The following RGP1 variants were observed in gnomAD, a reference collection of about 807,000 sequenced individuals.
The protein encoded by RGP1 is RAB6A-GEF complex partner protein 2.
In RGP1, 28 loss-of-function variants were observed where a neutral mutation model predicts 44.5. The ratio of observed to expected loss-of-function variants is 0.63; its 90% CI spans 0.47 to 0.86. The LOEUF (loss-of-function observed/expected upper bound fraction) is 0.86. Among genes scored for constraint, RGP1 ranks in the 40% least tolerant of loss-of-function variants. RGP1 has a pLI of 0.00. For missense variants in RGP1, 417 were observed against 490.7 expected (o/e 0.85, Z 1.42); for synonymous variants, 212 against 196.7 (o/e 1.08, Z -0.65).
intron 3 of RGP1, 30 bp downstream of exon 3, chr9:35,750,409 G>A (rs371304594): frequency 7.1e-5 from 114 of 1,612,382 alleles, no homozygotes; most frequent in Non-Finnish European, 8.9e-5. Flanking sequence ...CTGGGAGAGG[G>A]GGGGTGCGGA....
rs1827382053 is a variant in RGP1, at chr9:35,757,914, AAAT to A, written c.*5043_*5045del. 1 of 152,244 alleles carries A rather than the reference AAAT, an allele frequency of 6.6e-6. No individual in the cohort carries two copies. Among genetic ancestry groups the A allele is most frequent in the South Asian group, 2.1e-4 (1 of 4,834 alleles). The allele number at this position is 152,244 out of a possible 1,614,324, so 9.4% of individuals were successfully genotyped here. A position where few individuals can be genotyped will look rare whatever the true frequency, so the allele number is the denominator to read the frequency against. On this transcript the variant is annotated 3_prime_UTR_variant, in exon 9 of 9. Coordinates refer to ENST00000378078, the MANE Select transcript of RGP1 (RefSeq NM_001080496.3). ...TTAAGTAATTTTGGTGGATTTTTAA[AAAT>A]AAAAAAATAAAAATAGAAAAGTTGC...
At chr9:35,765,565 T>C in the RGP1 span, among the ~76,000 whole-genome samples, 1 of 150,564 alleles carries the variant, frequency 6.6e-6, no homozygotes, top group Non-Finnish European at 1.5e-5. Context: ...GCTGAGGTGG[T>C]AGGATCATCT....
chr9:35,752,205 G>T, intron 8 of RGP1, 60 bp downstream of exon 8: 1 of 1,453,308 alleles, frequency 6.9e-7, no homozygotes. Flanking sequence ...TGTGCTAAGG[G>T]AGGGTGTAAT....
rs111386156 is a variant in RGP1, at chr9:35,757,815, C to A, written c.*4941C>A. On this transcript the variant is annotated 3_prime_UTR_variant, in exon 9 of 9. Transcript: ENST00000378078. ...TCTTGGATTACTGTCTGCCATTCAG[C>A]CTTTGCCAAAAAATTTGGCACTGAT... The A allele has an allele frequency of 1.3e-5, 2 of 152,078 alleles. No individual in the cohort carries two copies. Among genetic ancestry groups the A allele is most frequent in the African/African-American group, 4.8e-5 (2 of 41,406 alleles). The allele number at this position is 152,078 out of a possible 1,614,324, so 9.4% of individuals were successfully genotyped here.
At position 35,753,248 on chromosome 9, in the gene RGP1, C is replaced by T. The variant is rs376929402; in HGVS notation, c.*374C>T. On this transcript the variant is annotated 3_prime_UTR_variant, in exon 9 of 9. Coordinates refer to ENST00000378078, the MANE Select transcript of RGP1 (RefSeq NM_001080496.3). The surrounding 1 kb of genome is among the most constrained non-coding windows in gnomAD (Gnocchi z 4.2). ...GGTTCCTGCCTCCTGACGTACCTCA[C>T]ACCCAGCCGGGAAGTCGATGGGATG... is the stretch of plus-strand genomic sequence containing the variant. The T allele has an allele frequency of 1.9e-6, 3 of 1,614,084 alleles. No individual in the cohort carries two copies. The highest frequency in any genetic ancestry group is 1.7e-6 in the Non-Finnish European group (2 of 1,180,016).
the RGP1 span, among the ~76,000 whole-genome samples, chr9:35,771,129 G>A: frequency 6.6e-6 from 1 of 152,120 alleles, no homozygotes; most frequent in Admixed American, 6.5e-5. Context: ...ATTCTCCTTG[G>A]CTCTTGATCT....
At chr9:35,764,409 A>G in the RGP1 span, among the ~76,000 whole-genome samples, 2 of 152,242 alleles carry the variant, frequency 1.3e-5, no homozygotes, top group Non-Finnish European at 2.9e-5. Flanking sequence ...ACCTTATATT[A>G]CTAATGGGCT....
chr9:35,754,365 G>A lies in RGP1; in HGVS notation c.*1491G>A. The A allele has an allele frequency of 9.5e-6, 4 of 419,778 alleles. No homozygotes were observed. The highest frequency in any genetic ancestry group is 1.7e-5 in the Non-Finnish European group (4 of 238,456). 26.0% of individuals were successfully genotyped at this position (419,778 alleles called of 1,614,324 possible). On this transcript the variant is annotated 3_prime_UTR_variant, in exon 9 of 9. Transcript: ENST00000378078. ...AAAAGTTGTAACTCTGTTTCCTGAG[G>A]TGAGGGCATGAAAACAAGAGGTCTA...
chr9:35,754,369 G>A lies in RGP1; in HGVS notation c.*1495G>A. The A allele has an allele frequency of 2.4e-6, 1 of 409,838 alleles. No homozygotes were observed. Among genetic ancestry groups the A allele is most frequent in the Non-Finnish European group, 4.3e-6 (1 of 232,170 alleles). 25.4% of individuals were successfully genotyped at this position (409,838 alleles called of 1,614,324 possible). Reference sequence around the variant, plus strand: ...GTTGTAACTCTGTTTCCTGAGGTGAGGGCATGAAAACAAGAGGTCTAGCTT... The same window carrying A: ...GTTGTAACTCTGTTTCCTGAGGTGAAGGCATGAAAACAAGAGGTCTAGCTT... On this transcript the variant is annotated 3_prime_UTR_variant, in exon 9 of 9. Coordinates refer to ENST00000378078, the MANE Select transcript of RGP1 (RefSeq NM_001080496.3).
intron 8 of RGP1, 127 bp downstream of exon 8, chr9:35,752,272 G>A (rs1588036096): frequency 3.1e-6 from 3 of 967,134 alleles, no homozygotes; most frequent in East Asian, 2.7e-5. Context: ...CTCTGACCCG[G>A]AACAGTTTCT....
chr9:35,780,824 T>C, the RGP1 span, among the ~76,000 whole-genome samples: 1 of 152,080 alleles, frequency 6.6e-6, no homozygotes, highest in Admixed American at 6.5e-5. Flanking sequence ...TCTCGGGGGA[T>C]GGAGGTTGCA....
the RGP1 span, among the ~76,000 whole-genome samples, chr9:35,776,660 T>C: frequency 6.6e-6 from 1 of 152,046 alleles, no homozygotes; most frequent in Non-Finnish European, 1.5e-5. Flanking sequence ...AGGAAGAGTC[T>C]AAGTCAGCCC....
At chr9:35,752,215 T>G (rs937332192) in intron 8 of RGP1, 70 bp downstream of exon 8, 29 of 1,385,738 alleles carry the variant, frequency 2.1e-5, no homozygotes, top group Non-Finnish European at 2.6e-5. Context: ...GAGGGTGTAA[T>G]GGATCCTGAT....
At chr9:35,782,470 G>A in the RGP1 span, among the ~76,000 whole-genome samples, 2 of 149,818 alleles carry the variant, frequency 1.3e-5, no homozygotes, top group Non-Finnish European at 3.0e-5. Context: ...TTTTTGAGAC[G>A]GAGTCTCGCT....
chr9:35,772,904 A>G, the RGP1 span, among the ~76,000 whole-genome samples: 1 of 152,186 alleles, frequency 6.6e-6, no homozygotes. Context: ...TTTTAAAGTA[A>G]TATGTCTTCA....
chr9:35,767,582 G>A, the RGP1 span, among the ~76,000 whole-genome samples: 1 of 152,156 alleles, frequency 6.6e-6, no homozygotes, highest in African/African-American at 2.4e-5. Flanking sequence ...CTTGGATGAT[G>A]AGTAGGATTT....
In RGP1 at chr9:35,752,826, G is replaced by A. The variant is rs934212856; in HGVS notation, c.1128G>A (p.Leu376=). The A allele has an allele frequency of 1.9e-6, 3 of 1,613,696 alleles. No homozygotes were observed. The highest frequency in any genetic ancestry group is 2.5e-6 in the Non-Finnish European group (3 of 1,179,856). ...AGGTGCTGCCTACTAGCCCCACCCT[G>A]GCCTCATATGCTGCCCCAGGCCCCA... ...PIKVLPTSPT[L]ASYAAPGPST... Residue 376 remains leucine (L), a synonymous_variant, in exon 9 of 9, where the codon CTG becomes CTA. Coordinates refer to ENST00000378078, the MANE Select transcript of RGP1 (RefSeq NM_001080496.3).
chr9:35,781,224 T>C, the RGP1 span, among the ~76,000 whole-genome samples: 1 of 151,892 alleles, frequency 6.6e-6, no homozygotes, highest in South Asian at 2.1e-4. Flanking sequence ...GATAGCTCTA[T>C]ATGTTTAGAA....
At chr9:35,770,880 C>G in the RGP1 span, among the ~76,000 whole-genome samples, 1 of 152,180 alleles carries the variant, frequency 6.6e-6, no homozygotes, top group Non-Finnish European at 1.5e-5. Context: ...TGAAGAAAAC[C>G]TGAACTCCAG....
Sources: gnomAD v4.1 joint callset for allele counts (sites outside exome capture counted in the v4.1 genomes callset) on GRCh38, gnomAD v4.1.1 for gene constraint, Gnocchi (gnomAD v3.1) non-coding constraint, MANE v1.5 for transcripts, NCBI Gene and HGNC (gene_info 2026-07-23, HGNC 2026-07-21) for gene names.